Variants in SUCO observed in about 807,000 individuals in gnomAD.
SUCO encodes SUN domain-containing ossification factor.
Under a neutral mutation model 148.1 loss-of-function variants are expected in SUCO, and 57 were observed. The observed-to-expected ratio is 0.38, with a 90% CI of 0.31 to 0.48. The LOEUF (loss-of-function observed/expected upper bound fraction) is 0.48. SUCO is among the 20% of genes least tolerant of loss of function. The pLI is 0.96. For synonymous variants in SUCO, 470 were observed against 502.7 expected (o/e 0.93, Z 0.87); for missense variants, 1,331 against 1,468.2 (o/e 0.91, Z 1.53).
chr1:172,536,419 A>G (rs1047944253), intron 1 of SUCO, among the ~76,000 whole-genome samples: 5 of 152,208 alleles, frequency 3.3e-5, no homozygotes, highest in Admixed American at 2.6e-4. Flanking sequence ...AGGATGAAAT[A>G]ATACAAATGA....
Position 172,578,396 on chromosome 1 carries a change from G to A in SUCO, c.1432+7G>A. The A allele has an allele frequency of 6.2e-7, 1 of 1,604,284 alleles. No individual in the cohort carries two copies. Among genetic ancestry groups the A allele is most frequent in the African/African-American group, 1.3e-5 (1 of 74,792 alleles). On this transcript the variant is annotated splice_region_variant and intron_variant, in intron 14 of 23. Transcript: ENST00000263688. ...CTATTTGATGAGGACTATGGTAAGTGACATCAAACAGATGACTGTTAGGTA... is the reference window on the plus strand; with the variant it reads ...CTATTTGATGAGGACTATGGTAAGTAACATCAAACAGATGACTGTTAGGTA...
chr1:172,574,100 AT>A (rs1655249820), intron 10 of SUCO, 102 bp downstream of exon 10: 1 of 674,122 alleles, frequency 1.5e-6, no homozygotes, highest in South Asian at 1.7e-5. Context: ...CAGTCCATTT[AT>A]TTTTTAAAGG....
chr1:172,589,279 T>C lies in SUCO; in HGVS notation c.2178T>C (p.Ser726=), dbSNP rs1571264909. ...CAGTTGAACTTGAACCAAGCCATTCTCAAACTCTTTCTCAGTCTCTTCTTT... is the reference window on the plus strand; with the variant it reads ...CAGTTGAACTTGAACCAAGCCATTCCCAAACTCTTTCTCAGTCTCTTCTTT... ...VDAVELEPSH[S]QTLSQSLLLD... is the part of the protein sequence containing the mutation. Residue 726 remains serine (S), a synonymous_variant, in exon 18 of 24, where the codon TCT becomes TCC. Coordinates refer to ENST00000263688, the MANE Select transcript of SUCO (RefSeq NM_014283.5). The C allele has an allele frequency of 6.2e-7, 1 of 1,613,812 alleles. No homozygotes were observed. Among genetic ancestry groups the C allele is most frequent in the Non-Finnish European group, 8.5e-7 (1 of 1,179,866 alleles).
chr1:172,553,476 T>G (rs1031430122), intron 3 of SUCO, 106 bp downstream of exon 3: 1 of 657,452 alleles, frequency 1.5e-6, no homozygotes, highest in Non-Finnish European at 2.4e-6. Flanking sequence ...GTTTTTTCAC[T>G]TTGAGGTACT....
upstream of SUCO, chr1:172,532,997 G>A (rs947322975): frequency 7.1e-7 from 1 of 1,411,582 alleles, no homozygotes; most frequent in Non-Finnish European, 9.3e-7. Context: ...GTGGGGGTGC[G>A]GGCGCCGCGG....
chr1:172,589,164 C>G lies in SUCO; in HGVS notation c.2063C>G (p.Thr688Arg), dbSNP rs768916174. The G allele has an allele frequency of 6.2e-7, 1 of 1,613,646 alleles. No individual in the cohort carries two copies. The highest frequency in any genetic ancestry group is 1.1e-5 in the South Asian group (1 of 91,046). Reference protein sequence around the residue: ...LQPLSGELENTNIEREAETVV... With the variant: ...LQPLSGELENRNIEREAETVV... ...CCTCTGAGTGGAGAATTGGAAAATA[C>G]GAATATAGAAAGGGAAGCTGAAACT... Residue 688 changes from threonine (T) to arginine (R), a missense_variant, in exon 18 of 24, where the codon ACG (threonine) becomes AGG (arginine). This residue lies in a region of SUCO where 992 missense variants were observed against 1,093.5 expected (regional missense o/e 0.91). Coordinates refer to ENST00000263688, the MANE Select transcript of SUCO (RefSeq NM_014283.5).
Position 172,569,203 on chromosome 1 carries a change from C to A in SUCO, c.856+61C>A, listed in dbSNP as rs895124081. On this transcript the variant is annotated intron_variant, in intron 7 of 23. Transcript: ENST00000263688. ...TAAGTATATGGTGTAGTTTAATATG[C>A]TTTCTTTTTTTGATTGGTAAAACAA... 44 of 1,288,622 alleles carry A rather than the reference C, an allele frequency of 3.4e-5. No homozygotes were observed. In the South Asian group the frequency reaches 7.4e-4, roughly 22 times the overall value. The allele number at this position is 1,288,622 out of a possible 1,614,324, so 79.8% of individuals were successfully genotyped here. A position where few individuals can be genotyped will look rare whatever the true frequency, so the allele number is the denominator to read the frequency against.
intron 19 of SUCO, among the ~76,000 whole-genome samples, chr1:172,597,194 C>T (rs1037084182): frequency 6.6e-6 from 1 of 152,266 alleles, no homozygotes; most frequent in Non-Finnish European, 1.5e-5. Flanking sequence ...GTCACAGCTT[C>T]CCTTGGCTAG....
rs115237446 is a variant in SUCO, at chr1:172,562,581, C to T, written c.732+4787C>T. ...TTGATCTCTTGACCTCGTGATCACCCGCCTTGGCCTTCCAAAGTGCTGGGA... is the reference window on the plus strand; with the variant it reads ...TTGATCTCTTGACCTCGTGATCACCTGCCTTGGCCTTCCAAAGTGCTGGGA... On this transcript the variant is annotated intron_variant, in intron 6 of 23. Transcript: ENST00000263688. Among the ~76,000 whole-genome samples the T allele has an allele frequency of 7.7e-3, 1,180 of 152,264 alleles. 16 individuals carry two copies. Among genetic ancestry groups the T allele is most frequent in the Non-Finnish European group, 9.8e-3 (668 of 68,018 alleles).
At chr1:172,601,576 C>T (rs1657535233) in intron 20 of SUCO, among the ~76,000 whole-genome samples, 1 of 151,432 alleles carries the variant, frequency 6.6e-6, no homozygotes, top group South Asian at 2.1e-4. Context: ...AAGTGGAGAA[C>T]AGTGTAAACT....
chr1:172,572,769 T>G (rs1275337742), intron 9 of SUCO, among the ~76,000 whole-genome samples: 1 of 135,038 alleles, frequency 7.4e-6, no homozygotes, highest in East Asian at 2.2e-4. Flanking sequence ...TTCTTCTGGG[T>G]GACTGTTAGA....
chr1:172,588,944 A>G lies in SUCO; in HGVS notation c.1843A>G (p.Ile615Val). The change falls in exon 18 of 24, where the codon ATA becomes GTA. Residue 615 changes from isoleucine to valine, a missense_variant. Transcript: ENST00000263688. Reference sequence around the variant, plus strand: ...ACCCTGGTTTGAGTCAGAGACACAAATATTTTGCAGTGAACTGACCACAAT... The same window carrying G: ...ACCCTGGTTTGAGTCAGAGACACAAGTATTTTGCAGTGAACTGACCACAAT... ...SSPWFESETQ[I>V]FCSELTTICC... is the part of the protein sequence containing the mutation. 6 of 1,611,738 alleles carry G rather than the reference A, an allele frequency of 3.7e-6. No homozygotes were observed. The highest frequency in any genetic ancestry group is 5.1e-6 in the Non-Finnish European group (6 of 1,178,980).
chr1:172,542,416 C>T (rs1652539180), intron 1 of SUCO, among the ~76,000 whole-genome samples: 1 of 152,028 alleles, frequency 6.6e-6, no homozygotes, highest in African/African-American at 2.4e-5. Context: ...TGGAGTTATC[C>T]TCGTAAAGCA....
At chr1:172,534,735 A>C (rs1424563703) in intron 1 of SUCO, among the ~76,000 whole-genome samples, 1 of 151,842 alleles carries the variant, frequency 6.6e-6, no homozygotes, top group Non-Finnish European at 1.5e-5. Flanking sequence ...AAATCCACTC[A>C]CCTCATTTTA....
chr1:172,570,216 A>T, intron 8 of SUCO, 45 bp downstream of exon 8: 1 of 1,204,010 alleles, frequency 8.3e-7, no homozygotes, highest in Admixed American at 2.3e-5. Flanking sequence ...GAAATTAACG[A>T]CTTTTTAAAA....
At chr1:172,588,168 G>C (rs1016517124) in intron 17 of SUCO, 1 of 984,922 alleles carries the variant, frequency 1.0e-6, no homozygotes, top group African/African-American at 1.7e-5. Flanking sequence ...TATGTGTGTA[G>C]GTGTGTGTGT....
intron 6 of SUCO, among the ~76,000 whole-genome samples, chr1:172,565,294 C>T (rs1475311430): frequency 6.6e-6 from 1 of 152,168 alleles, no homozygotes; most frequent in Admixed American, 6.5e-5. Flanking sequence ...CCTGTGAACT[C>T]CCAATTCCTT....
chr1:172,570,559 T>G (rs1189006755), intron 8 of SUCO, 104 bp from the exon 9 acceptor site: 26 of 774,908 alleles, frequency 3.4e-5, no homozygotes, highest in Non-Finnish European at 5.6e-5. Context: ...TTAGGTGTAC[T>G]TAAGATCTAA....
At chr1:172,602,308 G>T in intron 21 of SUCO, 90 bp downstream of exon 21, 2 of 1,378,302 alleles carry the variant, frequency 1.5e-6, no homozygotes, top group South Asian at 1.6e-5. Context: ...GGGAGACTGA[G>T]GTAATTTCTT....
Sources: allele counts gnomAD v4.1 joint callset (sites outside exome capture counted in the v4.1 genomes callset), GRCh38; gene constraint gnomAD v4.1.1; regional missense constraint gnomAD v4.1.1; transcripts MANE v1.5; gene names NCBI Gene and HGNC (gene_info 2026-07-23, HGNC 2026-07-21).